Variants in MYO5B observed in about 807,000 individuals in gnomAD.
MYO5B encodes the protein myosin VB.
MYO5B carries 143 observed loss-of-function variants against 229.3 expected under a neutral mutation model. That is an observed-to-expected ratio of 0.62 (90% CI 0.54 to 0.72). MYO5B has a LOEUF of 0.72. Ranked by LOEUF, MYO5B falls within the 30% of genes least tolerant of loss-of-function variation. The pLI, the probability that MYO5B is intolerant of heterozygous loss-of-function variation, is 0.00. For synonymous variants in MYO5B, 918 were observed against 885.2 expected (o/e 1.04, Z -0.66); for missense variants, 2,321 against 2,331.0 (o/e 1.00, Z 0.09).
chr18:49,914,855 C>G (rs931643783), intron 17 of MYO5B, among the ~76,000 whole-genome samples: 2 of 151,928 alleles, frequency 1.3e-5, no homozygotes, highest in African/African-American at 4.8e-5. Context: ...TTGGATTCAG[C>G]TGCAGCATGG....
Position 50,128,031 on chromosome 18 carries a change from G to A in MYO5B, c.27+66736C>T, listed in dbSNP as rs377720197. 7.9e-4 allele frequency among the ~76,000 whole-genome samples: 121 copies of A among 152,264 alleles called. 1 individual carries two copies. Among genetic ancestry groups the A allele is most frequent in the South Asian group, 6.8e-3 (33 of 4,830 alleles). On this transcript the variant is annotated intron_variant, in intron 1 of 39. Transcript: ENST00000285039. ...TGACTCTGCTGGTTCTCAGGCCTTT[G>A]GACTCAGCCTGGAACTACACCATCA... is the stretch of plus-strand genomic sequence containing the variant.
chr18:49,851,939 G>A (rs138138755), intron 31 of MYO5B, among the ~76,000 whole-genome samples: 15 of 152,268 alleles, frequency 9.9e-5, no homozygotes, highest in Middle Eastern at 3.4e-3. Flanking sequence ...GGGCAAATGA[G>A]GAGGACCACG....
chr18:50,134,487 G>A (rs968851657), intron 1 of MYO5B, among the ~76,000 whole-genome samples: 4 of 151,774 alleles, frequency 2.6e-5, no homozygotes, highest in African/African-American at 9.7e-5. Context: ...CCCAGGAGGC[G>A]GAGGTTGCAG....
chr18:50,161,332 C>T (rs1318204145), intron 1 of MYO5B, among the ~76,000 whole-genome samples: 1 of 152,112 alleles, frequency 6.6e-6, no homozygotes, highest in East Asian at 1.9e-4. Context: ...TGCAGTGAAC[C>T]AAGATAGTGC....
At chr18:49,950,988 T>A (rs2025425194) in intron 14 of MYO5B, among the ~76,000 whole-genome samples, 2 of 152,212 alleles carry the variant, frequency 1.3e-5, no homozygotes, top group African/African-American at 4.8e-5. Flanking sequence ...CTGCTTTCCT[T>A]CTGGGAGTTT....
At chr18:50,069,406 G>A (rs2030900440) in intron 1 of MYO5B, among the ~76,000 whole-genome samples, 1 of 152,038 alleles carries the variant, frequency 6.6e-6, no homozygotes. Context: ...CACAACATTG[G>A]CAAAATTTTC....
At chr18:50,058,064 A>C (rs1222612700) in intron 1 of MYO5B, among the ~76,000 whole-genome samples, 2 of 152,246 alleles carry the variant, frequency 1.3e-5, no homozygotes, top group African/African-American at 4.8e-5. Flanking sequence ...ACATGAAAAA[A>C]ATCACATGAA....
chr18:49,898,074 C>T (rs919947423), intron 21 of MYO5B, among the ~76,000 whole-genome samples: 1 of 152,168 alleles, frequency 6.6e-6, no homozygotes, highest in Non-Finnish European at 1.5e-5. Context: ...AGGTTTGTAG[C>T]CTAGGAACAA....
intron 39 of MYO5B, 86 bp from the exon 40 acceptor site, chr18:49,826,709 T>C (rs1598813213): frequency 1.3e-6 from 2 of 1,483,348 alleles, no homozygotes; most frequent in South Asian, 1.1e-5. Context: ...AGTTGGCATA[T>C]ATCATGGAAA....
chr18:50,124,416 A>G (rs2032122257), intron 1 of MYO5B, among the ~76,000 whole-genome samples: 1 of 152,180 alleles, frequency 6.6e-6, no homozygotes, highest in African/African-American at 2.4e-5. Flanking sequence ...ACTCTCCTTC[A>G]ACTCATGGGG....
At chr18:49,863,168 G>T in intron 29 of MYO5B, 59 bp downstream of exon 29, 1 of 1,347,594 alleles carries the variant, frequency 7.4e-7, no homozygotes, top group Non-Finnish European at 1.1e-6. Flanking sequence ...AAACAGACTC[G>T]TTTGGGCAGG....
intron 4 of MYO5B, among the ~76,000 whole-genome samples, chr18:50,010,284 C>T (rs763427105): frequency 7.2e-5 from 11 of 152,300 alleles, no homozygotes; most frequent in Non-Finnish European, 1.3e-4. Flanking sequence ...TAGGCAGCAG[C>T]GAAATGAATC....
intron 2 of MYO5B, among the ~76,000 whole-genome samples, chr18:50,041,402 C>G (rs778930255): frequency 2.6e-5 from 4 of 151,970 alleles, no homozygotes; most frequent in Non-Finnish European, 5.9e-5. Context: ...TAGAGGGACT[C>G]GGTTATCAAA....
At chr18:49,918,700 G>T (rs2025043582) in intron 17 of MYO5B, among the ~76,000 whole-genome samples, 1 of 152,190 alleles carries the variant, frequency 6.6e-6, no homozygotes, top group South Asian at 2.1e-4. Context: ...GAATTGTTTG[G>T]CCATGCTGTG....
intron 10 of MYO5B, among the ~76,000 whole-genome samples, chr18:49,967,414 G>C (rs1270636370): frequency 6.6e-6 from 1 of 152,158 alleles, no homozygotes; most frequent in Admixed American, 6.5e-5. Flanking sequence ...TGAAGATTGG[G>C]AAACTCTACG....
At chr18:49,876,228 A>G (rs9947777) in intron 25 of MYO5B, 76,858 of 320,184 alleles carry the variant, frequency 0.24, 9,908 homozygotes, top group East Asian at 0.42. Context: ...AGGAATCAAC[A>G]TGGTTACCAA....
chr18:49,948,493 T>C (rs373773875), intron 14 of MYO5B, among the ~76,000 whole-genome samples: 2 of 152,330 alleles, frequency 1.3e-5, no homozygotes, highest in African/African-American at 4.8e-5. Flanking sequence ...CATAGTACCC[T>C]GCTTGGTTTA....
At chr18:49,978,702 C>T (rs923646698) in intron 9 of MYO5B, among the ~76,000 whole-genome samples, 6 of 10,260 alleles carry the variant, frequency 5.8e-4, no homozygotes, top group Non-Finnish European at 1.4e-3. Context: ...AATACACACA[C>T]ACACACACAC....
At chr18:50,069,011 G>C (rs2030888922) in intron 1 of MYO5B, among the ~76,000 whole-genome samples, 1 of 152,096 alleles carries the variant, frequency 6.6e-6, no homozygotes, top group Non-Finnish European at 1.5e-5. Flanking sequence ...TCAGTTTAGT[G>C]CTTTGTTTTC....
Sources: gnomAD v4.1 joint callset for allele counts (sites outside exome capture counted in the v4.1 genomes callset) on GRCh38, gnomAD v4.1.1 for gene constraint, MANE v1.5 for transcripts, NCBI Gene and HGNC (gene_info 2026-07-23, HGNC 2026-07-21) for gene names.